Variants in RAC1 observed in about 807,000 individuals in gnomAD.
RAC1 encodes the protein Rac family small GTPase 1.
Under a neutral mutation model 25.2 loss-of-function variants are expected in RAC1, and 2 were observed. That is an observed-to-expected ratio of 0.08 (90% CI 0.03 to 0.25). RAC1 has a LOEUF of 0.25. Among genes scored for constraint, RAC1 ranks in the 10% least tolerant of loss-of-function variants. The pLI, the probability that RAC1 is intolerant of heterozygous loss-of-function variation, is 1.00. For missense variants in RAC1, 50 were observed against 235.7 expected (o/e 0.21, Z 5.16); for synonymous variants, 88 against 94.0 (o/e 0.94, Z 0.37).
At chr7:6,385,833 C>A (rs1782908452) in intron 1 of RAC1, among the ~76,000 whole-genome samples, 1 of 152,120 alleles carries the variant, frequency 6.6e-6, no homozygotes, top group Non-Finnish European at 1.5e-5. Flanking sequence ...GTCATTGTGA[C>A]CTTGGTAAAC....
At chr7:6,401,769 G>A (rs1583271385) in intron 4 of RAC1, 99 bp from the exon 5 acceptor site, 2 of 1,334,356 alleles carry the variant, frequency 1.5e-6, no homozygotes, top group East Asian at 2.4e-5. Context: ...CTTGCCTGAG[G>A]TTAGGTGTCT....
intron 2 of RAC1, among the ~76,000 whole-genome samples, chr7:6,390,073 T>TC (rs1783047142): frequency 8.7e-6 from 1 of 115,180 alleles, no homozygotes; most frequent in African/African-American, 3.4e-5. Context: ...TTCCCCTCCC[T>TC]CCCTTGCTCC....
chr7:6,395,065 A>C (rs993403434), intron 3 of RAC1, among the ~76,000 whole-genome samples: 1 of 152,136 alleles, frequency 6.6e-6, no homozygotes, highest in African/African-American at 2.4e-5. Flanking sequence ...CATGTTAGCC[A>C]GGATGGTCTT....
intron 1 of RAC1, among the ~76,000 whole-genome samples, chr7:6,376,584 C>T (rs1381996825): frequency 1.3e-5 from 2 of 150,520 alleles, no homozygotes; most frequent in African/African-American, 2.5e-5. Flanking sequence ...CTCCTGCAAC[C>T]TCTGCCTCCC....
chr7:6,379,067 G>T (rs931204716), intron 1 of RAC1, among the ~76,000 whole-genome samples: 5 of 151,946 alleles, frequency 3.3e-5, no homozygotes, highest in African/African-American at 1.2e-4. Context: ...CTCCAGCCTG[G>T]GTAACAGAGT....
chr7:6,401,891 C>T lies in RAC1; in HGVS notation c.312C>T (p.His104=). ...RAKWYPEVRH[H]CPNTPIILVG... is the part of the protein sequence containing the mutation. Reference sequence around the variant, plus strand: ...AGTGGTATCCTGAGGTGCGGCACCACTGTCCCAACACTCCCATCATCCTAG... The same window carrying T: ...AGTGGTATCCTGAGGTGCGGCACCATTGTCCCAACACTCCCATCATCCTAG... Residue 104 remains histidine (H), a synonymous_variant, in exon 5 of 6, where the codon CAC becomes CAT. Coordinates refer to ENST00000348035, the MANE Select transcript of RAC1 (RefSeq NM_006908.5). 1 of 1,613,872 alleles carries T rather than the reference C, an allele frequency of 6.2e-7. No individual in the cohort carries two copies. The highest frequency in any genetic ancestry group is 1.1e-5 in the South Asian group (1 of 91,042).
chr7:6,402,261 G>T, intron 5 of RAC1, 55 bp from the exon 6 acceptor site: 1 of 1,551,030 alleles, frequency 6.4e-7, no homozygotes, highest in South Asian at 1.2e-5. Context: ...CTGGTGGTGT[G>T]ATCAGAAGAG....
chr7:6,391,578 C>T (rs35981225), intron 2 of RAC1: 8,847 of 272,972 alleles, frequency 0.032, 242 homozygotes, highest in South Asian at 0.093. Context: ...AAAAACCCAA[C>T]AAGTAGGATT....
In RAC1 at chr7:6,376,548, G is replaced by A. The variant is rs1310230396; in HGVS notation, c.35+1778G>A. Among the ~76,000 whole-genome samples, 5 of 147,528 alleles carry A rather than the reference G, an allele frequency of 3.4e-5. No homozygotes were observed. In the Admixed American group the frequency reaches 3.4e-4, roughly 10 times the overall value. ...GACGGGGTCTCACTCTGTCGCCCAG[G>A]CTGGAGTGCAATGGCGCGATCTCTG... On this transcript the variant is annotated intron_variant, in intron 1 of 5. Transcript: ENST00000348035.
At chr7:6,377,131 G>C (rs1214893943) in intron 1 of RAC1, among the ~76,000 whole-genome samples, 1 of 151,734 alleles carries the variant, frequency 6.6e-6, no homozygotes, top group African/African-American at 2.4e-5. Context: ...CTGTTATTGC[G>C]GTTTCTACTA....
At chr7:6,377,061 A>G (rs982907162) in intron 1 of RAC1, among the ~76,000 whole-genome samples, 2 of 151,946 alleles carry the variant, frequency 1.3e-5, no homozygotes, top group East Asian at 1.9e-4. Context: ...ACTAAACAAG[A>G]TGTTGGTTAT....
intron 1 of RAC1, among the ~76,000 whole-genome samples, chr7:6,376,158 G>A (rs1467883351): frequency 3.6e-5 from 5 of 138,742 alleles, no homozygotes; most frequent in Admixed American, 3.0e-4. Context: ...GAGTATTAGA[G>A]TATGTAGGCT....
At chr7:6,375,755 C>T (rs1042520037) in intron 1 of RAC1, 1 of 151,562 alleles carries the variant, frequency 6.6e-6, no homozygotes, top group Non-Finnish European at 1.5e-5. Flanking sequence ...TGTAGCAGAA[C>T]TGGCCCCCTG....
chr7:6,379,720 T>C (rs1782711317), intron 1 of RAC1, among the ~76,000 whole-genome samples: 1 of 151,998 alleles, frequency 6.6e-6, no homozygotes, highest in East Asian at 1.9e-4. Flanking sequence ...TAAACAACAG[T>C]TTTATTATTT....
At chr7:6,392,708 G>T (rs777227282) in intron 3 of RAC1, among the ~76,000 whole-genome samples, 1 of 152,074 alleles carries the variant, frequency 6.6e-6, no homozygotes, top group Admixed American at 6.6e-5. Flanking sequence ...TTTAAGCAGC[G>T]GTTTTACTTG....
At chr7:6,380,872 T>G (rs751235262) in intron 1 of RAC1, among the ~76,000 whole-genome samples, 2 of 152,190 alleles carry the variant, frequency 1.3e-5, no homozygotes, top group South Asian at 2.1e-4. Context: ...TGTTTTGTTT[T>G]GTTTTGCTCT....
intron 1 of RAC1, among the ~76,000 whole-genome samples, chr7:6,377,184 C>A (rs1004073084): frequency 4.0e-5 from 6 of 149,900 alleles, no homozygotes; most frequent in Admixed American, 3.3e-4. Flanking sequence ...AGTCTGTGGC[C>A]TTGAGTTTTC....
intron 3 of RAC1, among the ~76,000 whole-genome samples, chr7:6,393,585 A>C (rs1583266573): frequency 6.6e-6 from 1 of 152,220 alleles, no homozygotes; most frequent in African/African-American, 2.4e-5. Flanking sequence ...AAAGCTGTAG[A>C]GTGTGACGCC....
intron 3 of RAC1, among the ~76,000 whole-genome samples, chr7:6,398,898 G>T (rs1263594078): frequency 6.6e-6 from 1 of 152,112 alleles, no homozygotes; most frequent in African/African-American, 2.4e-5. Flanking sequence ...TTTACCCACC[G>T]GCTTGAATTA....
Sources: gnomAD v4.1 joint callset for allele counts (sites outside exome capture counted in the v4.1 genomes callset) on GRCh38, gnomAD v4.1.1 for gene constraint, MANE v1.5 for transcripts, NCBI Gene and HGNC (gene_info 2026-07-23, HGNC 2026-07-21) for gene names.